The following UBE3D variants were observed in gnomAD, a reference collection of about 807,000 sequenced individuals.
UBE3D encodes E3 ubiquitin-protein ligase E3D.
Under a neutral mutation model 49.6 loss-of-function variants are expected in UBE3D, and 48 were observed. The ratio of observed to expected loss-of-function variants is 0.97; its 90% CI spans 0.77 to 1.23. The LOEUF is 1.23. Among genes scored for constraint, UBE3D ranks in the 50% most tolerant of loss-of-function variants. UBE3D has a pLI of 0.00. For synonymous variants in UBE3D, 189 were observed against 174.2 expected (o/e 1.08, Z -0.67); for missense variants, 452 against 468.4 (o/e 0.96, Z 0.32).
At chr6:83,030,946 G>A (rs770894867) in intron 5 of UBE3D, among the ~76,000 whole-genome samples, 1 of 152,158 alleles carries the variant, frequency 6.6e-6, no homozygotes, top group Non-Finnish European at 1.5e-5. Context: ...TTTTGTCCCT[G>A]CCCTAGATAT....
At chr6:82,980,798 C>T (rs879463694) in intron 8 of UBE3D, among the ~76,000 whole-genome samples, 24 of 152,004 alleles carry the variant, frequency 1.6e-4, no homozygotes, top group South Asian at 8.3e-4. Flanking sequence ...TTCCCAGCAC[C>T]ATTTATCGAA....
intron 9 of UBE3D, among the ~76,000 whole-genome samples, chr6:82,944,115 T>C (rs1775227046): frequency 1.3e-5 from 2 of 151,684 alleles, no homozygotes; most frequent in South Asian, 4.2e-4. Flanking sequence ...TGATGCAACC[T>C]ACTGAGACAC....
chr6:83,002,641 C>T (rs904144283), intron 8 of UBE3D, among the ~76,000 whole-genome samples: 2 of 152,218 alleles, frequency 1.3e-5, no homozygotes, highest in African/African-American at 4.8e-5. Flanking sequence ...GCCGAGATTG[C>T]GCCATTGCAC....
chr6:82,914,189 T>C (rs1023869812), intron 9 of UBE3D, among the ~76,000 whole-genome samples: 2 of 152,194 alleles, frequency 1.3e-5, no homozygotes, highest in African/African-American at 4.8e-5. Context: ...TTGTTTTTGT[T>C]TATTTTTATT....
chr6:83,025,322 T>C (rs1781376327), intron 5 of UBE3D, among the ~76,000 whole-genome samples: 1 of 152,116 alleles, frequency 6.6e-6, no homozygotes, highest in Admixed American at 6.6e-5. Flanking sequence ...TACAGAAAAA[T>C]TTAAATAGAA....
At chr6:82,898,842 T>A (rs1326758402) in intron 9 of UBE3D, among the ~76,000 whole-genome samples, 2 of 152,100 alleles carry the variant, frequency 1.3e-5, no homozygotes, top group Admixed American at 1.3e-4. Flanking sequence ...AAATTTTTTT[T>A]AAAGATATTT....
chr6:82,913,505 A>G (rs1772681727), intron 9 of UBE3D, among the ~76,000 whole-genome samples: 1 of 152,176 alleles, frequency 6.6e-6, no homozygotes, highest in Non-Finnish European at 1.5e-5. Flanking sequence ...TGACCCACTT[A>G]TTCATTATCT....
chr6:83,043,346 C>T (rs888299863), intron 4 of UBE3D, among the ~76,000 whole-genome samples: 4 of 151,746 alleles, frequency 2.6e-5, no homozygotes, highest in Non-Finnish European at 5.9e-5. Context: ...GATTAAAATA[C>T]AAATTTAATT....
intron 5 of UBE3D, among the ~76,000 whole-genome samples, chr6:83,028,006 T>C (rs1781603305): frequency 6.6e-6 from 1 of 152,188 alleles, no homozygotes; most frequent in South Asian, 2.1e-4. Flanking sequence ...CTTTTGCTCG[T>C]TAATTCTCTC....
intron 8 of UBE3D, among the ~76,000 whole-genome samples, chr6:82,970,545 A>G (rs1777272969): frequency 6.6e-6 from 1 of 152,154 alleles, no homozygotes; most frequent in Non-Finnish European, 1.5e-5. Flanking sequence ...TATAGTTAAA[A>G]CTAGGGACTC....
chr6:83,041,088 A>T (rs1301590191), intron 4 of UBE3D, among the ~76,000 whole-genome samples: 2 of 152,256 alleles, frequency 1.3e-5, no homozygotes, highest in Non-Finnish European at 2.9e-5. Context: ...GATCACACTC[A>T]TTAAATGTTA....
chr6:82,918,154 T>C (rs1403756246), intron 9 of UBE3D, among the ~76,000 whole-genome samples: 1 of 152,018 alleles, frequency 6.6e-6, no homozygotes, highest in Non-Finnish European at 1.5e-5. Flanking sequence ...AGGGAGAAAA[T>C]GGAATTATCT....
intron 3 of UBE3D, among the ~76,000 whole-genome samples, chr6:83,053,283 T>C (rs966433452): frequency 6.6e-6 from 1 of 152,182 alleles, no homozygotes; most frequent in Non-Finnish European, 1.5e-5. Context: ...AGTACAGCAT[T>C]ACTGAGATAA....
chr6:82,887,429 C>T (rs1582250691), downstream of UBE3D, among the ~76,000 whole-genome samples: 1 of 97,262 alleles, frequency 1.0e-5, no homozygotes, highest in South Asian at 3.6e-4. Context: ...GAATAGTGGG[C>T]TGGGCGCGGT....
intron 8 of UBE3D, among the ~76,000 whole-genome samples, chr6:82,970,776 T>C (rs971387972): frequency 1.3e-5 from 2 of 152,054 alleles, no homozygotes; most frequent in Admixed American, 1.3e-4. Context: ...GAGGCAGAGA[T>C]TGCAGTGAGT....
chr6:83,027,056 C>T (rs897583629), intron 5 of UBE3D, among the ~76,000 whole-genome samples: 1 of 151,996 alleles, frequency 6.6e-6, no homozygotes, highest in Non-Finnish European at 1.5e-5. Context: ...TGTGAATATT[C>T]ACGATTTTAT....
intron 8 of UBE3D, among the ~76,000 whole-genome samples, chr6:82,974,496 A>G (rs1777577208): frequency 6.6e-6 from 1 of 152,168 alleles, no homozygotes; most frequent in Admixed American, 6.5e-5. Context: ...CACAATGTAA[A>G]TGCTATGTAA....
intron 9 of UBE3D, among the ~76,000 whole-genome samples, chr6:82,923,572 G>T (rs899142354): frequency 3.3e-5 from 5 of 152,182 alleles, no homozygotes; most frequent in East Asian, 1.9e-4. Context: ...TGTGGGGGTG[G>T]GGGGCTAGGG....
chr6:82,980,678 G>C (rs901286383), intron 8 of UBE3D, among the ~76,000 whole-genome samples: 2 of 151,960 alleles, frequency 1.3e-5, no homozygotes, highest in African/African-American at 4.8e-5. Context: ...TTTTTCCTAA[G>C]TTTTCTTCTC....
Sources: allele counts gnomAD v4.1 joint callset (sites outside exome capture counted in the v4.1 genomes callset), GRCh38; gene constraint gnomAD v4.1.1; transcripts MANE v1.5; gene names NCBI Gene and HGNC (gene_info 2026-07-23, HGNC 2026-07-21).